The following LSM14A variants were observed in gnomAD, a reference collection of about 807,000 sequenced individuals.
The protein encoded by LSM14A is LSM14A mRNA processing body assembly factor.
Under a neutral mutation model 52.4 loss-of-function variants are expected in LSM14A, and 14 were observed. The ratio of observed to expected loss-of-function variants is 0.27; its 90% CI spans 0.18 to 0.42. LSM14A has a LOEUF of 0.42. Ranked by LOEUF, LSM14A falls within the 10% of genes least tolerant of loss-of-function variation. LSM14A has a pLI of 1.00. For synonymous variants in LSM14A, 185 were observed against 200.3 expected, an observed-to-expected ratio of 0.92 and a Z score of 0.64; for missense variants, 417 against 581.8, an observed-to-expected ratio of 0.72 and a Z score of 2.91.
chr19:34,198,185 C>T (rs537337993), intron 3 of LSM14A, among the ~76,000 whole-genome samples: 17 of 152,130 alleles, frequency 1.1e-4, no homozygotes, highest in African/African-American at 3.4e-4. Flanking sequence ...TATCTTGAAA[C>T]TCATTGATAT....
At position 34,184,131 on chromosome 19, in the gene LSM14A, C is replaced by G. The variant is rs1267728325; in HGVS notation, c.122-10347C>G. Among the ~76,000 whole-genome samples the G allele has an allele frequency of 6.0e-5, 9 of 150,416 alleles. No homozygotes were observed. The Admixed American group carries it at 6.0e-4, about 10-fold the overall frequency. On this transcript the variant is annotated intron_variant, in intron 1 of 9. Transcript: ENST00000544216. ...AGTGCAATGGCGCAATCTTGGCTCA[C>G]TGCAGCTTCTGCCTCCCGGGTTCAA...
intron 1 of LSM14A, among the ~76,000 whole-genome samples, chr19:34,187,248 C>CA (rs753895752): frequency 0.02 from 2,330 of 118,914 alleles, 22 homozygotes; most frequent in Non-Finnish European, 0.021. Flanking sequence ...GACTCGGTCT[C>CA]AAAAAAAAAA....
At chr19:34,226,375 CTTTTTTTTTT>C (rs528137318) in intron 9 of LSM14A, 40 of 1,195,930 alleles carry the variant, frequency 3.3e-5, no homozygotes, top group South Asian at 6.3e-5. Context: ...ATCTCTTTCT[CTTTTTTTTTT>C]TTTTTTTTTT....
At chr19:34,202,126 GT>G (rs113903997) in intron 3 of LSM14A, among the ~76,000 whole-genome samples, 5,523 of 119,520 alleles carry the variant, frequency 0.046, 174 homozygotes, top group African/African-American at 0.1. Context: ...TTTTTAGTAA[GT>G]TTTTTTTTTT....
At chr19:34,184,681 C>A (rs972370423) in intron 1 of LSM14A, among the ~76,000 whole-genome samples, 14 of 152,182 alleles carry the variant, frequency 9.2e-5, no homozygotes, top group African/African-American at 2.9e-4. Flanking sequence ...CATATCTTTT[C>A]ACTTTTCTCC....
chr19:34,206,980 A>G (rs1041178059), intron 3 of LSM14A, among the ~76,000 whole-genome samples: 3 of 152,314 alleles, frequency 2.0e-5, no homozygotes, highest in East Asian at 1.9e-4. Flanking sequence ...AAATAGACCC[A>G]CTCAGATACT....
intron 1 of LSM14A, among the ~76,000 whole-genome samples, chr19:34,173,580 TA>T (rs1478322205): frequency 1.3e-5 from 2 of 152,198 alleles, no homozygotes; most frequent in African/African-American, 4.8e-5. Flanking sequence ...CCCACAGTGT[TA>T]ATATTTGGCA....
intron 1 of LSM14A, among the ~76,000 whole-genome samples, chr19:34,185,406 A>C (rs189385392): frequency 1.3e-5 from 2 of 152,318 alleles, no homozygotes; most frequent in East Asian, 3.9e-4. Flanking sequence ...CATTCAGTGC[A>C]GTAATATTTG....
intron 1 of LSM14A, among the ~76,000 whole-genome samples, chr19:34,177,503 A>T (rs896028393): frequency 1.3e-5 from 2 of 152,200 alleles, no homozygotes; most frequent in Admixed American, 1.3e-4. Context: ...TTGGCTATTT[A>T]CATTTGATGT....
chr19:34,176,661 T>C (rs1315060581), intron 1 of LSM14A, among the ~76,000 whole-genome samples: 1 of 152,250 alleles, frequency 6.6e-6, no homozygotes, highest in African/African-American at 2.4e-5. Context: ...ACAAGTTTAT[T>C]CCTTCTGCCA....
chr19:34,226,460 G>T, intron 9 of LSM14A: 1 of 1,491,232 alleles, frequency 6.7e-7, no homozygotes, highest in South Asian at 1.3e-5. Context: ...ACTGCTTTCT[G>T]AAAGGTAAAA....
Position 34,196,681 on chromosome 19 carries a change from T to C in LSM14A, c.333T>C (p.Tyr111=), listed in dbSNP as rs751492191. The C allele has an allele frequency of 8.9e-5, 143 of 1,613,746 alleles. No individual in the cohort carries two copies. Among genetic ancestry groups the C allele is most frequent in the Middle Eastern group, 1.6e-4 (1 of 6,072 alleles). The change falls in exon 3 of 10, where the codon TAT becomes TAC. Residue 111 remains tyrosine, a synonymous_variant. Transcript: ENST00000544216. ...STSSFQSMGS[Y]GPFGRMPTYS... ...CTTCATTCCAGTCCATGGGTTCTTA[T>C]GGACCTTTCGGCAGGATGCCCACAT...
chr19:34,222,736 A>G (rs2073131374), intron 9 of LSM14A, among the ~76,000 whole-genome samples: 1 of 152,192 alleles, frequency 6.6e-6, no homozygotes, highest in Non-Finnish European at 1.5e-5. Flanking sequence ...AAGACTGCCA[A>G]AAATTATACT....
chr19:34,184,450 C>T (rs1039352300), intron 1 of LSM14A, among the ~76,000 whole-genome samples: 3 of 152,144 alleles, frequency 2.0e-5, no homozygotes, highest in Admixed American at 6.5e-5. Flanking sequence ...AACTGTATTT[C>T]TCTATATCAA....
rs150346422 is a variant in LSM14A, at chr19:34,212,810, A to G, written c.539-2314A>G. On this transcript the variant is annotated intron_variant, in intron 4 of 9. Transcript: ENST00000544216. ...TTAATAGTGAAAAGGCTTTTTAAGT[A>G]CACAACAAATGTTTCTGTACTTGCT... Among the ~76,000 whole-genome samples the G allele has an allele frequency of 4.5e-4, 69 of 152,340 alleles. 1 individual carries two copies. In the East Asian group the frequency reaches 0.013, roughly 28 times the overall value.
At chr19:34,222,061 A>G (rs2145888282) in intron 9 of LSM14A, among the ~76,000 whole-genome samples, 1 of 152,356 alleles carries the variant, frequency 6.6e-6, no homozygotes, top group African/African-American at 2.4e-5. Flanking sequence ...AGTATTTACC[A>G]AGTAACAAGA....
chr19:34,187,338 G>A (rs1231404184), intron 1 of LSM14A, among the ~76,000 whole-genome samples: 1 of 151,684 alleles, frequency 6.6e-6, no homozygotes, highest in East Asian at 1.9e-4. Flanking sequence ...TAGTGTAGTG[G>A]TGTGATCATA....
At chr19:34,192,319 GTTTTTTTT>G (rs71165632) in intron 1 of LSM14A, among the ~76,000 whole-genome samples, 5 of 53,410 alleles carry the variant, frequency 9.4e-5, no homozygotes, top group South Asian at 1.3e-3. Flanking sequence ...TCTTTTTGTT[GTTTTTTTT>G]TTTTTTTTTT....
intron 1 of LSM14A, among the ~76,000 whole-genome samples, chr19:34,187,764 A>G (rs1346479261): frequency 6.6e-6 from 1 of 152,186 alleles, no homozygotes; most frequent in East Asian, 1.9e-4. Context: ...CTATGATTTT[A>G]TATACAAGTA....
Sources: allele counts gnomAD v4.1 joint callset (sites outside exome capture counted in the v4.1 genomes callset), GRCh38; gene constraint gnomAD v4.1.1; transcripts MANE v1.5; gene names NCBI Gene and HGNC (gene_info 2026-07-23, HGNC 2026-07-21).